The following PTPRD variants were observed in gnomAD, a reference collection of about 807,000 sequenced individuals.
The protein encoded by PTPRD is protein tyrosine phosphatase receptor type D.
A neutral mutation model predicts 214.5 loss-of-function variants in PTPRD; 34 were observed. That is an observed-to-expected ratio of 0.16 (90% CI 0.12 to 0.21). PTPRD has a LOEUF of 0.21. Ranked by LOEUF, PTPRD falls within the 10% of genes least tolerant of loss-of-function variation. The probability of loss-of-function intolerance (pLI) is 1.00; values close to 1 mark genes in which losing one functional copy is unlikely to be tolerated. For missense variants in PTPRD, 2,545 were observed against 2,398.7 expected (o/e 1.06, Z -1.27); for synonymous variants, 1,128 against 845.7 (o/e 1.33, Z -5.79).
chr9:8,650,711 CA>C (rs2096790938), intron 12 of PTPRD, among the ~76,000 whole-genome samples: 1 of 152,086 alleles, frequency 6.6e-6, no homozygotes. Flanking sequence ...TGACAGAGAT[CA>C]TATTCTAAGT....
At chr9:10,161,483 C>T (rs1180151156) in intron 3 of PTPRD, among the ~76,000 whole-genome samples, 1 of 151,686 alleles carries the variant, frequency 6.6e-6, no homozygotes, top group African/African-American at 2.4e-5. Context: ...TCTGAGAAAA[C>T]TGGATAAACA....
chr9:9,000,670 T>G (rs1239759250), intron 11 of PTPRD, among the ~76,000 whole-genome samples: 1 of 151,962 alleles, frequency 6.6e-6, no homozygotes, highest in Non-Finnish European at 1.5e-5. Context: ...AATTGATGAA[T>G]TCTACCTTAG....
chr9:8,727,317 C>T (rs186517090), intron 12 of PTPRD, among the ~76,000 whole-genome samples: 1 of 152,326 alleles, frequency 6.6e-6, no homozygotes, highest in Admixed American at 6.5e-5. Flanking sequence ...GTAGCTACAG[C>T]TCTGCTGGGA....
chr9:10,426,894 A>G (rs1424398131), intron 2 of PTPRD, among the ~76,000 whole-genome samples: 1 of 152,042 alleles, frequency 6.6e-6, no homozygotes, highest in African/African-American at 2.4e-5. Context: ...GAATCTTCCA[A>G]TGTTATAAAT....
At chr9:10,605,690 G>A (rs965641908) in intron 2 of PTPRD, among the ~76,000 whole-genome samples, 2 of 151,786 alleles carry the variant, frequency 1.3e-5, no homozygotes, top group African/African-American at 4.8e-5. Context: ...AGGGAGAAAT[G>A]CCTTAGGGAA....
At chr9:9,729,958 A>T (rs942860461) in intron 7 of PTPRD, among the ~76,000 whole-genome samples, 1 of 152,146 alleles carries the variant, frequency 6.6e-6, no homozygotes, top group African/African-American at 2.4e-5. Context: ...TTAAAAAGTC[A>T]AAACTGTGAG....
chr9:8,730,675 G>C (rs772758217), intron 12 of PTPRD, among the ~76,000 whole-genome samples: 35 of 152,284 alleles, frequency 2.3e-4, no homozygotes, highest in Admixed American at 1.5e-3. Flanking sequence ...ACTAACAGAA[G>C]CTATTATGAA....
At chr9:10,116,871 G>T (rs541834598) in intron 3 of PTPRD, among the ~76,000 whole-genome samples, 2 of 152,088 alleles carry the variant, frequency 1.3e-5, no homozygotes, top group South Asian at 4.2e-4. Flanking sequence ...TCTTCCTTCT[G>T]CCTGGAATTA....
intron 3 of PTPRD, among the ~76,000 whole-genome samples, chr9:10,238,204 C>G (rs955059348): frequency 6.6e-6 from 1 of 151,228 alleles, no homozygotes; most frequent in African/African-American, 2.4e-5. Flanking sequence ...AAAAAGCACT[C>G]AGGGCACATA....
chr9:10,213,590 A>C (rs1241029143), intron 3 of PTPRD, among the ~76,000 whole-genome samples: 1 of 152,140 alleles, frequency 6.6e-6, no homozygotes, highest in Non-Finnish European at 1.5e-5. Flanking sequence ...AAAGTGTTGG[A>C]GGTTATTCAC....
rs75972103 is a variant in PTPRD at position 8,474,436 on chromosome 9, G to A, written c.3414-3351C>T. On this transcript the variant is annotated intron_variant, in intron 30 of 45. Coordinates refer to ENST00000381196, the MANE Select transcript of PTPRD (RefSeq NM_002839.4). The stretch of plus-strand genomic sequence containing the variant: ...CTTCAATTCTCCCTTTCCAAAGCCC[G>A]TCTCCTCCACTCTACCTTAGCTGAA... 4.1e-3 allele frequency among the ~76,000 whole-genome samples: 631 copies of A among 152,062 alleles called. 15 individuals carry two copies. Among genetic ancestry groups the A allele is most frequent in the Admixed American group, 0.031 (476 of 15,256 alleles).
At chr9:9,918,444 A>C (rs1033756866) in intron 5 of PTPRD, among the ~76,000 whole-genome samples, 3 of 151,922 alleles carry the variant, frequency 2.0e-5, no homozygotes, top group African/African-American at 7.2e-5. Context: ...CCCCATGCTC[A>C]TGGATTAGAA....
chr9:9,677,246 G>T (rs1373249734), intron 7 of PTPRD, among the ~76,000 whole-genome samples: 1 of 151,968 alleles, frequency 6.6e-6, no homozygotes, highest in East Asian at 1.9e-4. Flanking sequence ...GTCTTCCAGG[G>T]TTTTTATGGT....
intron 2 of PTPRD, among the ~76,000 whole-genome samples, chr9:10,409,289 T>G (rs2098409789): frequency 6.6e-6 from 1 of 151,754 alleles, no homozygotes; most frequent in African/African-American, 2.4e-5. Context: ...TTAGTATGAT[T>G]GGGCACCTTT....
chr9:10,333,602 T>C (rs2096791211), intron 3 of PTPRD, among the ~76,000 whole-genome samples: 1 of 151,798 alleles, frequency 6.6e-6, no homozygotes, highest in African/African-American at 2.4e-5. Context: ...AATATTTACT[T>C]CCATTTAAAA....
chr9:10,202,319 G>A (rs1374115887), intron 3 of PTPRD, among the ~76,000 whole-genome samples: 4 of 151,788 alleles, frequency 2.6e-5, no homozygotes, highest in Non-Finnish European at 5.9e-5. Context: ...ACAACCAGGA[G>A]TTTCAAACAG....
At chr9:9,975,580 A>T (rs2095322874) in intron 4 of PTPRD, among the ~76,000 whole-genome samples, 1 of 152,184 alleles carries the variant, frequency 6.6e-6, no homozygotes, top group Admixed American at 6.5e-5. Flanking sequence ...CAGAGTACGT[A>T]TTTTAACAAA....
intron 5 of PTPRD, among the ~76,000 whole-genome samples, chr9:9,870,236 T>C (rs1271318338): frequency 6.6e-6 from 1 of 151,974 alleles, no homozygotes; most frequent in Non-Finnish European, 1.5e-5. Context: ...AATTCCCGAA[T>C]AAAAAGATTT....
At chr9:8,346,153 C>A (rs952551753) in intron 39 of PTPRD, among the ~76,000 whole-genome samples, 1 of 151,706 alleles carries the variant, frequency 6.6e-6, no homozygotes, top group Non-Finnish European at 1.5e-5. Context: ...TCATCTTAGA[C>A]TCTTTTTGCC....
Sources: allele counts gnomAD v4.1 joint callset (sites outside exome capture counted in the v4.1 genomes callset), GRCh38; gene constraint gnomAD v4.1.1; transcripts MANE v1.5; gene names NCBI Gene and HGNC (gene_info 2026-07-23, HGNC 2026-07-21).